Variants in SCFD2 observed in about 807,000 individuals in gnomAD.
The protein encoded by SCFD2 is sec1 family domain-containing protein 2.
A neutral mutation model predicts 58.9 loss-of-function variants in SCFD2; 54 were observed. The ratio of observed to expected loss-of-function variants is 0.92; its 90% CI spans 0.74 to 1.15. The LOEUF (loss-of-function observed/expected upper bound fraction) is 1.15, where lower values mean the gene tolerates loss of function less well. Among genes scored for constraint, SCFD2 ranks in the 50% most tolerant of loss-of-function variants. SCFD2 has a pLI of 0.00. For missense variants in SCFD2, 805 were observed against 836.6 expected, an observed-to-expected ratio of 0.96 and a Z score of 0.47; for synonymous variants, 321 against 335.9, an observed-to-expected ratio of 0.96 and a Z score of 0.49.
intron 5 of SCFD2, among the ~76,000 whole-genome samples, chr4:52,993,031 C>A (rs1259575511): frequency 2.0e-5 from 3 of 151,720 alleles, no homozygotes; most frequent in Non-Finnish European, 2.9e-5. Flanking sequence ...GTAGGAGACT[C>A]CATTTTGTTC....
In SCFD2 at chr4:53,007,305, G is replaced by GAGAGAGA. The variant is rs1721990724; in HGVS notation, c.1562-86436_1562-86435insTCTCTCT. On this transcript the variant is annotated intron_variant, in intron 5 of 8. Coordinates refer to ENST00000401642, the MANE Select transcript of SCFD2 (RefSeq NM_152540.4). Reference sequence around the variant, plus strand: ...AGGAGAGAGAGGGAGAGAGGGAGAGGGAGAGAGAGAGAGAGAGAGAGAGAG... The same window carrying GAGAGAGA: ...AGGAGAGAGAGGGAGAGAGGGAGAGGAGAGAGAGAGAGAGAGAGAGAGAGAGAGAGAG... Among the ~76,000 whole-genome samples, 48 of 66,082 alleles carry GAGAGAGA rather than the reference G, an allele frequency of 7.3e-4. 2 individuals carry two copies. Among genetic ancestry groups the GAGAGAGA allele is most frequent in the African/African-American group, 2.7e-3 (43 of 16,158 alleles). 43.4% of individuals were successfully genotyped at this position (66,082 alleles called of 152,430 possible).
intron 4 of SCFD2, among the ~76,000 whole-genome samples, chr4:53,269,623 A>C (rs1406108481): frequency 6.6e-6 from 1 of 152,178 alleles, no homozygotes; most frequent in Non-Finnish European, 1.5e-5. Flanking sequence ...AGCAACTGAT[A>C]ATTCCTTTTT....
At position 53,239,411 on chromosome 4, in the gene SCFD2, A is replaced by AGAGGGAGAGGGAGAGGGAGAG. The variant is rs1553890346; in HGVS notation, c.1311+34414_1311+34415insCTCTCCCTCTCCCTCTCCCTC. On this transcript the variant is annotated intron_variant, in intron 4 of 8. Coordinates refer to ENST00000401642, the MANE Select transcript of SCFD2 (RefSeq NM_152540.4). ...CGTGGGGAGAGTGAGAGGGAGAGGG[A>AGAGGGAGAGGGAGAGGGAGAG]GAGGGAGAGGAGGGAGAGGAGGGAG... Among the ~76,000 whole-genome samples the AGAGGGAGAGGGAGAGGGAGAG allele has an allele frequency of 7.2e-5, 8 of 111,250 alleles. No individual in the cohort carries two copies. The Admixed American group carries it at 8.6e-4, about 12-fold the overall frequency. 73.0% of individuals were successfully genotyped at this position (111,250 alleles called of 152,430 possible).
chr4:53,209,852 A>T (rs1193676373), intron 4 of SCFD2, among the ~76,000 whole-genome samples: 1 of 152,072 alleles, frequency 6.6e-6, no homozygotes, highest in Non-Finnish European at 1.5e-5. Flanking sequence ...GGAGAACTCC[A>T]ATCAGTAAAC....
At chr4:53,135,726 G>A (rs1725916822) in intron 5 of SCFD2, among the ~76,000 whole-genome samples, 2 of 151,896 alleles carry the variant, frequency 1.3e-5, no homozygotes, top group African/African-American at 4.8e-5. Context: ...TGGCAACAGA[G>A]CGAGACTCCA....
At chr4:53,019,961 G>A (rs1022115230) in intron 5 of SCFD2, among the ~76,000 whole-genome samples, 1 of 152,126 alleles carries the variant, frequency 6.6e-6, no homozygotes, top group Non-Finnish European at 1.5e-5. Context: ...CGTCTGGTGA[G>A]TCAATATGAA....
At chr4:52,911,954 C>G (rs1272294877) in intron 6 of SCFD2, among the ~76,000 whole-genome samples, 1 of 152,060 alleles carries the variant, frequency 6.6e-6, no homozygotes, top group Non-Finnish European at 1.5e-5. Context: ...GCAATTCCTG[C>G]CACCATCACC....
chr4:53,122,608 A>G (rs1725512506), intron 5 of SCFD2, among the ~76,000 whole-genome samples: 1 of 152,232 alleles, frequency 6.6e-6, no homozygotes, highest in Admixed American at 6.5e-5. Flanking sequence ...CAATACACGC[A>G]GACATAAAGA....
intron 2 of SCFD2, among the ~76,000 whole-genome samples, chr4:53,338,569 A>ATTTTTTTTTTTTTTTTTTT (rs1454636023): frequency 5.1e-5 from 3 of 58,372 alleles, no homozygotes; most frequent in South Asian, 6.8e-4. Flanking sequence ...AAAGCAGTAT[A>ATTTTTTTTTTTTTTTTTTT]TTTTTCTTTT....
chr4:53,100,150 T>C, intron 5 of SCFD2, among the ~76,000 whole-genome samples: 1 of 152,198 alleles, frequency 6.6e-6, no homozygotes, highest in Non-Finnish European at 1.5e-5. Context: ...CTTCTAATTG[T>C]TACTCATGTG....
intron 5 of SCFD2, among the ~76,000 whole-genome samples, chr4:53,061,634 G>A (rs192373585): frequency 2.0e-5 from 3 of 152,240 alleles, no homozygotes; most frequent in African/African-American, 4.8e-5. Context: ...TTTACATTGC[G>A]AGTTCCTTTA....
intron 2 of SCFD2, among the ~76,000 whole-genome samples, chr4:53,342,719 C>T (rs1235933950): frequency 6.6e-6 from 1 of 152,162 alleles, no homozygotes; most frequent in Non-Finnish European, 1.5e-5. Flanking sequence ...TAAAGCACTC[C>T]TCAGCAAATG....
At chr4:53,143,134 T>TA (rs1365381407) in intron 5 of SCFD2, among the ~76,000 whole-genome samples, 2 of 152,052 alleles carry the variant, frequency 1.3e-5, no homozygotes, top group Non-Finnish European at 1.5e-5. Flanking sequence ...AGAAACTAAT[T>TA]AAAAAATGAA....
At chr4:53,222,100 T>C in intron 4 of SCFD2, among the ~76,000 whole-genome samples, 1 of 152,258 alleles carries the variant, frequency 6.6e-6, no homozygotes, top group East Asian at 1.9e-4. Context: ...TGTGAAAATC[T>C]GTTCCTATAT....
chr4:53,020,938 TG>T (rs1332162870), intron 5 of SCFD2, among the ~76,000 whole-genome samples: 1 of 152,202 alleles, frequency 6.6e-6, no homozygotes, highest in Non-Finnish European at 1.5e-5. Context: ...GTGAAATTTT[TG>T]CCCCACATTC....
chr4:52,973,924 G>A (rs989467144), intron 5 of SCFD2, among the ~76,000 whole-genome samples: 10 of 152,056 alleles, frequency 6.6e-5, no homozygotes, highest in African/African-American at 1.9e-4. Context: ...AAACCATATG[G>A]TTATCTCAAT....
intron 6 of SCFD2, among the ~76,000 whole-genome samples, chr4:52,916,299 G>A (rs1719601613): frequency 6.6e-6 from 1 of 152,240 alleles, no homozygotes; most frequent in Non-Finnish European, 1.5e-5. Context: ...GCCGGGCGCA[G>A]TAGCTCATGC....
intron 2 of SCFD2, among the ~76,000 whole-genome samples, chr4:53,351,910 A>G (rs1577996350): frequency 6.6e-6 from 1 of 152,212 alleles, no homozygotes; most frequent in Non-Finnish European, 1.5e-5. Flanking sequence ...GTTTTATTTA[A>G]AAATATAAAA....
At chr4:53,068,898 T>C (rs1200529854) in intron 5 of SCFD2, among the ~76,000 whole-genome samples, 1 of 152,068 alleles carries the variant, frequency 6.6e-6, no homozygotes, top group Non-Finnish European at 1.5e-5. Context: ...TAGACGGATG[T>C]GCACAGTCCA....
Sources: gnomAD v4.1 joint callset for allele counts (sites outside exome capture counted in the v4.1 genomes callset) on GRCh38, gnomAD v4.1.1 for gene constraint, MANE v1.5 for transcripts, NCBI Gene and HGNC (gene_info 2026-07-23, HGNC 2026-07-21) for gene names.